Variants in FAM149A observed in about 807,000 individuals in gnomAD.
The protein encoded by FAM149A is family with sequence similarity 149 member A, also known as protein FAM149A.
In FAM149A, 71 loss-of-function variants were observed where a neutral mutation model predicts 78.2. That is an observed-to-expected ratio of 0.91 (90% CI 0.75 to 1.11). FAM149A has a LOEUF of 1.11. FAM149A is among the 50% of genes least tolerant of loss of function. FAM149A has a pLI of 0.00. For missense variants in FAM149A, 1,036 were observed against 971.0 expected, an observed-to-expected ratio of 1.07 and a Z score of -0.89; for synonymous variants, 446 against 410.5, an observed-to-expected ratio of 1.09 and a Z score of -1.04.
intron 1 of FAM149A, chr4:186,116,660 C>G (rs542957829): frequency 6.8e-5 from 65 of 962,864 alleles, no homozygotes; most frequent in Non-Finnish European, 8.0e-5. Context: ...GGCAGCGGCA[C>G]GATCTCGGCT....
At chr4:186,130,670 A>C (rs2099320435) in intron 1 of FAM149A, among the ~76,000 whole-genome samples, 1 of 151,910 alleles carries the variant, frequency 6.6e-6, no homozygotes, top group Non-Finnish European at 1.5e-5. Context: ...ATTATGTATA[A>C]TTTTTTGGAG....
intron 1 of FAM149A, among the ~76,000 whole-genome samples, chr4:186,138,018 T>G (rs1373166743): frequency 1.3e-5 from 2 of 152,196 alleles, no homozygotes; most frequent in African/African-American, 4.8e-5. Flanking sequence ...TAAAATATAT[T>G]TAAATGTATA....
intron 1 of FAM149A, among the ~76,000 whole-genome samples, chr4:186,143,602 G>A (rs1377926933): frequency 6.6e-6 from 1 of 152,024 alleles, no homozygotes; most frequent in Non-Finnish European, 1.5e-5. Flanking sequence ...CCTGGAGTGG[G>A]TGGGGCGATC....
intron 1 of FAM149A, chr4:186,133,277 T>G (rs2126366691): frequency 1.2e-6 from 1 of 828,204 alleles, no homozygotes; most frequent in South Asian, 5.5e-5. Context: ...CACAGTGTTG[T>G]GCAGTCACCA....
intron 1 of FAM149A, among the ~76,000 whole-genome samples, chr4:186,128,825 CTG>C (rs377104585): frequency 2.6e-5 from 4 of 151,772 alleles, no homozygotes; most frequent in African/African-American, 4.8e-5. Context: ...GGATGGATGT[CTG>C]TGTGTATGTG....
intron 1 of FAM149A, among the ~76,000 whole-genome samples, chr4:186,128,727 G>T (rs985912209): frequency 1.3e-5 from 2 of 152,068 alleles, no homozygotes; most frequent in Admixed American, 6.6e-5. Context: ...TCAGTTGTTG[G>T]TTTGGTTAAT....
At position 186,156,039 on chromosome 4, in the gene FAM149A, T is replaced by G. The variant is rs748063006; in HGVS notation, c.1269T>G (p.Gly423=). The change falls in exon 7 of 14, where the codon GGT becomes GGG. Residue 423 remains glycine, a synonymous_variant. Transcript: ENST00000389354. ...TTGAACAAAAACCAGCTCAGCCCGG[T>G]AGGAAATGGCGCAAACTCGGACTTC... The G allele has an allele frequency of 6.2e-7, 1 of 1,613,754 alleles. No homozygotes were observed. The highest frequency in any genetic ancestry group is 1.7e-5 in the Admixed American group (1 of 59,984).
rs145828447 is a variant in FAM149A, at chr4:186,157,614, G to A, written c.1470G>A (p.Pro490=). ...TGAAAGTGGCTGGAAACAGATTTCCGCACGTCCTCGTTCCACACGCTCACG... is the reference window on the plus strand; with the variant it reads ...TGAAAGTGGCTGGAAACAGATTTCCACACGTCCTCGTTCCACACGCTCACG... The change falls in exon 8 of 14, where the codon CCG becomes CCA. Residue 490 remains proline (P), a synonymous_variant. Coordinates refer to ENST00000389354, the MANE Select transcript of FAM149A (RefSeq NM_001367768.3). 5.6e-6 allele frequency: 9 copies of A among 1,614,000 alleles called. No homozygotes were observed. Among genetic ancestry groups the A allele is most frequent in the Middle Eastern group, 1.6e-4 (1 of 6,084 alleles).
intron 1 of FAM149A, among the ~76,000 whole-genome samples, chr4:186,139,163 T>G (rs1019555669): frequency 2.3e-4 from 35 of 152,292 alleles, no homozygotes; most frequent in African/African-American, 8.2e-4. Flanking sequence ...TGTGACATGC[T>G]CTCATTCTTC....
chr4:186,160,735 C>CAA (rs1242398372), intron 8 of FAM149A: 2 of 938,658 alleles, frequency 2.1e-6, no homozygotes, highest in African/African-American at 3.8e-5. Flanking sequence ...TCACCACACC[C>CAA]CACACACACC....
rs115167075 is a variant in FAM149A at position 186,121,740 on chromosome 4, C to T, written c.566+16098C>T. On this transcript the variant is annotated intron_variant, in intron 1 of 13. Coordinates refer to ENST00000389354, the MANE Select transcript of FAM149A (RefSeq NM_001367768.3). ...CGATGAGTGTGGTGCTGCCATCCTA[C>T]ACCCAGCAGTTGTCTGTCTTCATTC... Among the ~76,000 whole-genome samples the T allele has an allele frequency of 3.5e-3, 530 of 152,330 alleles. 4 individuals are homozygous for T. The highest frequency in any genetic ancestry group is 0.012 in the African/African-American group (505 of 41,570).
intron 1 of FAM149A, among the ~76,000 whole-genome samples, chr4:186,135,564 C>T (rs1423282215): frequency 6.6e-6 from 1 of 152,092 alleles, no homozygotes; most frequent in African/African-American, 2.4e-5. Flanking sequence ...AATGTGTGTT[C>T]GTGTTGAAAG....
chr4:186,138,141 C>T (rs2099324280), intron 1 of FAM149A, among the ~76,000 whole-genome samples: 1 of 152,172 alleles, frequency 6.6e-6, no homozygotes, highest in Admixed American at 6.5e-5. Context: ...GAACCAGTAT[C>T]AATCCGTTAC....
intron 1 of FAM149A, among the ~76,000 whole-genome samples, chr4:186,142,425 G>A (rs1418592353): frequency 6.6e-6 from 1 of 152,248 alleles, no homozygotes; most frequent in Non-Finnish European, 1.5e-5. Context: ...TCGTGCATGT[G>A]TAAATGACCT....
intron 1 of FAM149A, among the ~76,000 whole-genome samples, chr4:186,112,351 A>G (rs1206385110): frequency 7.2e-6 from 1 of 139,576 alleles, no homozygotes; most frequent in African/African-American, 2.7e-5. Context: ...AACAGGGACA[A>G]TTTGACTTCC....
intron 1 of FAM149A, among the ~76,000 whole-genome samples, chr4:186,136,851 G>A (rs918817620): frequency 6.6e-6 from 1 of 152,146 alleles, no homozygotes; most frequent in African/African-American, 2.4e-5. Context: ...CCACCTGTCT[G>A]TGCCCGAGTT....
At chr4:186,158,815 G>T in intron 8 of FAM149A, 2 of 1,006,474 alleles carry the variant, frequency 2.0e-6, no homozygotes, top group South Asian at 8.2e-5. Flanking sequence ...TCAGGCCCCT[G>T]AATGAGGAGG....
intron 1 of FAM149A, among the ~76,000 whole-genome samples, chr4:186,114,001 G>A (rs1358558785): frequency 1.4e-5 from 2 of 147,144 alleles, no homozygotes; most frequent in Admixed American, 6.9e-5. Context: ...GGGTGTTAAA[G>A]TCTCCCATTA....
chr4:186,160,854 A>G (rs953633314), intron 8 of FAM149A: 14 of 985,286 alleles, frequency 1.4e-5, no homozygotes, highest in African/African-American at 1.7e-5. Flanking sequence ...ACTTGCGTAT[A>G]TAGACTACTA....
Sources: gnomAD v4.1 joint callset for allele counts (sites outside exome capture counted in the v4.1 genomes callset) on GRCh38, gnomAD v4.1.1 for gene constraint, MANE v1.5 for transcripts, NCBI Gene and HGNC (gene_info 2026-07-23, HGNC 2026-07-21) for gene names.